Variants in CSNK1G3 observed in about 807,000 individuals in gnomAD.
The protein encoded by CSNK1G3 is casein kinase I isoform gamma-3.
CSNK1G3 carries 23 observed loss-of-function variants against 64.3 expected under a neutral mutation model. That is an observed-to-expected ratio of 0.36 (90% confidence interval 0.26 to 0.51). CSNK1G3 has a LOEUF of 0.51. CSNK1G3 is among the 20% of genes least tolerant of loss of function. The pLI is 0.96. For missense variants in CSNK1G3, 357 were observed against 510.5 expected, an observed-to-expected ratio of 0.70 and a Z score of 2.90; for synonymous variants, 158 against 162.2, an observed-to-expected ratio of 0.97 and a Z score of 0.20.
chr5:123,605,465 AT>A, intron 12 of CSNK1G3, 103 bp downstream of exon 13: 1 of 1,195,366 alleles, frequency 8.4e-7, no homozygotes, highest in Non-Finnish European at 1.2e-6. Flanking sequence ...CAACACAGTG[AT>A]TATAATTGGT....
At chr5:123,567,633 T>G (rs530496517) in intron 4 of CSNK1G3, among the ~76,000 whole-genome samples, 58 of 152,252 alleles carry the variant, frequency 3.8e-4, no homozygotes, top group African/African-American at 1.2e-3. Flanking sequence ...AAGTAATACA[T>G]GGTTTAAAAC....
chr5:123,522,516 A>AG, intron 1 of CSNK1G3, among the ~76,000 whole-genome samples: 1 of 145,966 alleles, frequency 6.9e-6, no homozygotes, highest in Non-Finnish European at 1.5e-5. Flanking sequence ...AAAAAAAAAG[A>AG]AAAAAAAAAT....
chr5:123,614,438 A>T (rs755286733), exon 13 of CSNK1G3: 1 of 1,569,170 alleles, frequency 6.4e-7, no homozygotes, highest in South Asian at 1.1e-5. Flanking sequence ...TTACATGTTC[A>T]TCTGCTGTCT....
At chr5:123,540,088 A>G (rs1302161995) in intron 1 of CSNK1G3, among the ~76,000 whole-genome samples, 2 of 151,070 alleles carry the variant, frequency 1.3e-5, no homozygotes, top group Admixed American at 6.6e-5. Context: ...TTTTGTCTTT[A>G]TTTTTTCTGT....
At chr5:123,575,796 T>C in exon 6 of CSNK1G3, 1 of 1,613,682 alleles carries the variant, frequency 6.2e-7, no homozygotes, top group Non-Finnish European at 8.5e-7. Flanking sequence ...GAGAACTTCT[T>C]AATAGGACGA....
In CSNK1G3 at chr5:123,605,379, G is replaced by A; in HGVS notation, c.1217+17G>A. On this transcript the variant is annotated intron_variant, in intron 12 of 12. Transcript: ENST00000345990. Reference sequence around the variant, plus strand: ...GAACATGTGGTGAGTCTCAAGTGTAGGCAGGCAGAAATAGCTCCATTGACT... The same window carrying A: ...GAACATGTGGTGAGTCTCAAGTGTAAGCAGGCAGAAATAGCTCCATTGACT... The A allele has an allele frequency of 6.2e-7, 1 of 1,608,740 alleles. No homozygotes were observed. The highest frequency in any genetic ancestry group is 8.5e-7 in the Non-Finnish European group (1 of 1,177,646).
chr5:123,595,450 G>C (rs1275415400), intron 10 of CSNK1G3, among the ~76,000 whole-genome samples: 2 of 152,048 alleles, frequency 1.3e-5, no homozygotes, highest in East Asian at 3.9e-4. Flanking sequence ...CCAATAATAA[G>C]ATCAGTCTTT....
intron 1 of CSNK1G3, among the ~76,000 whole-genome samples, chr5:123,537,053 A>C (rs1780956601): frequency 6.6e-6 from 1 of 152,176 alleles, no homozygotes; most frequent in African/African-American, 2.4e-5. Flanking sequence ...CTGAAAATAG[A>C]ACTACCACTG....
chr5:123,613,741 A>G (rs1388930680), intron 12 of CSNK1G3, among the ~76,000 whole-genome samples: 5 of 152,130 alleles, frequency 3.3e-5, no homozygotes, highest in African/African-American at 1.2e-4. Flanking sequence ...TGACTTGTAA[A>G]ATGGAATCAC....
chr5:123,517,013 G>A (rs894000527), intron 1 of CSNK1G3, among the ~76,000 whole-genome samples: 4 of 152,272 alleles, frequency 2.6e-5, no homozygotes, highest in Admixed American at 1.3e-4. Context: ...CATATGAAGT[G>A]CCAAGGACTA....
At chr5:123,525,273 G>A (rs1422007273) in intron 1 of CSNK1G3, among the ~76,000 whole-genome samples, 2 of 149,624 alleles carry the variant, frequency 1.3e-5, no homozygotes, top group East Asian at 2.0e-4. Flanking sequence ...TTGATTAAAC[G>A]CCTTGCAAGG....
At chr5:123,527,941 C>A (rs766167033) in intron 1 of CSNK1G3, among the ~76,000 whole-genome samples, 19 of 152,088 alleles carry the variant, frequency 1.2e-4, no homozygotes, top group Non-Finnish European at 4.4e-5. Context: ...CATTCTGAAC[C>A]TCAGCTATAA....
intron 4 of CSNK1G3, among the ~76,000 whole-genome samples, chr5:123,561,104 T>A (rs1319270308): frequency 6.6e-6 from 1 of 152,258 alleles, no homozygotes; most frequent in Non-Finnish European, 1.5e-5. Flanking sequence ...TCCATGTTTC[T>A]TTCCTTTATG....
intron 1 of CSNK1G3, among the ~76,000 whole-genome samples, chr5:123,537,199 A>G (rs1780981764): frequency 6.6e-6 from 1 of 152,190 alleles, no homozygotes. Context: ...GTGCCCATCA[A>G]AGGATGAATG....
At chr5:123,553,686 AG>A (rs1784106257) in intron 3 of CSNK1G3, among the ~76,000 whole-genome samples, 1 of 152,200 alleles carries the variant, frequency 6.6e-6, no homozygotes, top group African/African-American at 2.4e-5. Flanking sequence ...ATTATTCTGA[AG>A]TTTTCAATGT....
chr5:123,599,883 A>G (rs995435882), intron 10 of CSNK1G3, among the ~76,000 whole-genome samples: 7 of 152,128 alleles, frequency 4.6e-5, no homozygotes, highest in African/African-American at 1.7e-4. Context: ...TAACATTTAC[A>G]GTAACATCTC....
At chr5:123,557,404 A>G in intron 3 of CSNK1G3, 91 bp from the exon 4 acceptor site, 2 of 802,148 alleles carry the variant, frequency 2.5e-6, no homozygotes, top group Non-Finnish European at 4.2e-6. Flanking sequence ...TACATAATAT[A>G]GGCATTGACA....
chr5:123,513,331 C>T (rs984350556), intron 1 of CSNK1G3, among the ~76,000 whole-genome samples: 3 of 152,048 alleles, frequency 2.0e-5, no homozygotes, highest in East Asian at 3.9e-4. Flanking sequence ...TGTGTCTACT[C>T]GTGGGGTGGG....
chr5:123,522,807 C>A (rs1778360979), intron 1 of CSNK1G3, among the ~76,000 whole-genome samples: 1 of 152,094 alleles, frequency 6.6e-6, no homozygotes, highest in African/African-American at 2.4e-5. Context: ...GTCAATTGTA[C>A]TTAGCATCCT....
Sources: gnomAD v4.1 joint callset for allele counts (sites outside exome capture counted in the v4.1 genomes callset) on GRCh38, gnomAD v4.1.1 for gene constraint, MANE v1.5 for transcripts, NCBI Gene and HGNC (gene_info 2026-07-23, HGNC 2026-07-21) for gene names.